MBNL2: variants seen among roughly 807,000 people sequenced by gnomAD.
MBNL2 encodes the protein muscleblind like splicing regulator 2, also known as muscleblind-like protein 2.
MBNL2 carries 17 observed loss-of-function variants against 41.9 expected under a neutral mutation model. The observed-to-expected ratio is 0.41, with a 90% CI of 0.28 to 0.61. MBNL2 has a LOEUF of 0.61. MBNL2 is among the 20% of genes least tolerant of loss of function. MBNL2 has a pLI of 0.35. For missense variants in MBNL2, 336 were observed against 505.6 expected (o/e 0.66, Z 3.22); for synonymous variants, 195 against 182.9 (o/e 1.07, Z -0.53).
the MBNL2 span, among the ~76,000 whole-genome samples, chr13:97,152,537 A>G: frequency 1.3e-5 from 2 of 152,326 alleles, no homozygotes; most frequent in Middle Eastern, 3.4e-3. Context: ...AATTGTATAA[A>G]GCTTTCAGAA....
At chr13:97,284,017 C>T (rs1162019238) in intron 2 of MBNL2, among the ~76,000 whole-genome samples, 1 of 152,158 alleles carries the variant, frequency 6.6e-6, no homozygotes, top group African/African-American at 2.4e-5. Flanking sequence ...CTGGAGACAG[C>T]ATCCTCCAGC....
the MBNL2 span, among the ~76,000 whole-genome samples, chr13:97,184,090 G>A: frequency 6.6e-6 from 1 of 152,180 alleles, no homozygotes; most frequent in African/African-American, 2.4e-5. Flanking sequence ...TTTTAAAAAT[G>A]AGGAAACTGA....
the MBNL2 span, among the ~76,000 whole-genome samples, chr13:97,156,948 G>C: frequency 1.3e-5 from 2 of 151,756 alleles, no homozygotes; most frequent in African/African-American, 2.4e-5. Context: ...TTGGTAGCTT[G>C]ATGGGGATGG....
At chr13:97,365,114 A>G (rs2063748011) in intron 7 of MBNL2, 22 bp from the exon 8 acceptor site, 9 of 1,558,796 alleles carry the variant, frequency 5.8e-6, no homozygotes, top group African/African-American at 1.4e-5. Flanking sequence ...CACTTTTTCC[A>G]CCCACCATTG....
intron 7 of MBNL2, among the ~76,000 whole-genome samples, chr13:97,363,613 A>G (rs1403745073): frequency 1.3e-5 from 2 of 152,132 alleles, no homozygotes; most frequent in East Asian, 3.9e-4. Flanking sequence ...GGCATTCACA[A>G]TTTAAGTGCA....
At chr13:97,262,376 G>A (rs368564155) in intron 1 of MBNL2, among the ~76,000 whole-genome samples, 184 of 152,298 alleles carry the variant, frequency 1.2e-3, no homozygotes, top group African/African-American at 4.3e-3. Context: ...GGCAGTGGAC[G>A]CTTTTCGCTA....
rs1491586752 is a variant in MBNL2 at position 97,334,146 on chromosome 13, ACC to A, written c.175-128_175-127del. On this transcript the variant is annotated intron_variant, in intron 2 of 8. Transcript: ENST00000679496. The surrounding 1 kb of genome is among the most constrained non-coding windows in gnomAD (Gnocchi z 5.3). ...CAAACACATGAGCATGCGCGCGCAC[ACC>A]CACACACACACACACACACACACAC... 8 of 595,052 alleles carry A rather than the reference ACC, an allele frequency of 1.3e-5. No homozygotes were observed. The highest frequency in any genetic ancestry group is 8.1e-5 in the African/African-American group (3 of 37,126). The allele number at this position is 595,052 out of a possible 1,614,324, so 36.9% of individuals were successfully genotyped here. A position where few individuals can be genotyped will look rare whatever the true frequency, so the allele number is the denominator to read the frequency against.
At chr13:97,359,308 G>A (rs1014317620) in intron 7 of MBNL2, among the ~76,000 whole-genome samples, 1 of 151,974 alleles carries the variant, frequency 6.6e-6, no homozygotes, top group Admixed American at 6.6e-5. Flanking sequence ...ATACTGAGGG[G>A]AAAAACGTAA....
At chr13:97,156,707 G>C in the MBNL2 span, among the ~76,000 whole-genome samples, 2 of 148,532 alleles carry the variant, frequency 1.3e-5, no homozygotes, top group Admixed American at 1.3e-4. Flanking sequence ...GATAGTTGTA[G>C]ATATGCGGCG....
intron 1 of MBNL2, among the ~76,000 whole-genome samples, chr13:97,261,729 C>A (rs897493959): frequency 2.0e-5 from 3 of 152,216 alleles, no homozygotes; most frequent in Admixed American, 1.3e-4. Context: ...GCAGGTAAAA[C>A]AGCTCTGATT....
intron 5 of MBNL2, among the ~76,000 whole-genome samples, chr13:97,350,780 T>G (rs1457514358): frequency 6.6e-6 from 1 of 152,240 alleles, no homozygotes; most frequent in African/African-American, 2.4e-5. Context: ...GCTATTTCCA[T>G]TACATCTGGA....
At chr13:97,281,454 A>G (rs1319310221) in intron 2 of MBNL2, among the ~76,000 whole-genome samples, 2 of 152,258 alleles carry the variant, frequency 1.3e-5, no homozygotes, top group East Asian at 1.9e-4. Flanking sequence ...CAAGCAGCAT[A>G]TGATGCAGAA....
chr13:97,350,198 T>C (rs1566434484), intron 5 of MBNL2, among the ~76,000 whole-genome samples: 1 of 152,254 alleles, frequency 6.6e-6, no homozygotes, highest in Non-Finnish European at 1.5e-5. Flanking sequence ...CTGTGGTCTA[T>C]TAAATGTGCA....
chr13:97,218,440 C>CAAACAAACAA (rs1555302256), upstream of MBNL2, among the ~76,000 whole-genome samples: 407 of 117,974 alleles, frequency 3.4e-3, 5 homozygotes, highest in East Asian at 0.05. Flanking sequence ...CAAAACAAAA[C>CAAACAAACAA]AAAAAAAAAA....
chr13:97,240,126 C>T (rs1401945045), intron 1 of MBNL2, among the ~76,000 whole-genome samples: 3 of 152,212 alleles, frequency 2.0e-5, no homozygotes, highest in Admixed American at 2.0e-4. Context: ...CTAGGCCCCA[C>T]CTCCCATGAT....
rs1208330224 is a variant in MBNL2 at position 97,268,982 on chromosome 13, C to T, written c.-604-6650C>T. 6.6e-6 allele frequency among the ~76,000 whole-genome samples: 1 copy of T among 152,110 alleles called. No homozygotes were observed. Among genetic ancestry groups the T allele is most frequent in the African/African-American group, 2.4e-5 (1 of 41,408 alleles). ...TCCGGATGCAGGCCCGTGAGGAGGG[C>T]CTGCCGGAGGGTGGCTCAGCTGAAC... On this transcript the variant is annotated intron_variant, in intron 1 of 8. Transcript: ENST00000679496. This position sits in a 1 kb window ranked among gnomAD's most constrained non-coding sequence, Gnocchi z 4.6.
intron 1 of MBNL2, among the ~76,000 whole-genome samples, chr13:97,222,885 C>T (rs1419817084): frequency 6.6e-6 from 1 of 151,942 alleles, no homozygotes; most frequent in African/African-American, 2.4e-5. Flanking sequence ...ATAAAGTTTA[C>T]ATGGATCCTA....
intron 8 of MBNL2, among the ~76,000 whole-genome samples, chr13:97,378,190 G>C (rs796918542): frequency 6.8e-6 from 1 of 146,268 alleles, no homozygotes; most frequent in African/African-American, 2.7e-5. Context: ...TAATTGAAAT[G>C]TTATTATGTA....
intron 5 of MBNL2, among the ~76,000 whole-genome samples, chr13:97,350,089 TC>T (rs1457730423): frequency 6.6e-6 from 1 of 152,172 alleles, no homozygotes; most frequent in Non-Finnish European, 1.5e-5. Context: ...AAGTAAAAGT[TC>T]AGTTCCAGAC....
Sources: allele counts gnomAD v4.1 joint callset (sites outside exome capture counted in the v4.1 genomes callset), GRCh38; gene constraint gnomAD v4.1.1; non-coding constraint Gnocchi (gnomAD v3.1); transcripts MANE v1.5; gene names NCBI Gene and HGNC (gene_info 2026-07-23, HGNC 2026-07-21).